GON7: variants seen among roughly 807,000 people sequenced by gnomAD.
The protein encoded by GON7 is EKC/KEOPS complex subunit GON7.
In GON7, 2 loss-of-function variants were observed where a neutral mutation model predicts 7.6. The observed-to-expected ratio is 0.26, with a 90% CI of 0.11 to 0.83. The LOEUF (loss-of-function observed/expected upper bound fraction) is 0.83. GON7 is among the 40% of genes least tolerant of loss of function. GON7 has a pLI of 0.65. For missense variants in GON7, 121 were observed against 132.2 expected (o/e 0.92, Z 0.42); for synonymous variants, 54 against 56.6 (o/e 0.95, Z 0.20).
chr14:93,203,929 G>T, intron 1 of GON7, 147 bp from the exon 2 acceptor site: 2 of 577,664 alleles, frequency 3.5e-6, no homozygotes, highest in Non-Finnish European at 3.0e-6. Context: ...GAGAATTTCA[G>T]TGTTTAAAAT....
chr14:93,206,754 C>A, intron 1 of GON7, 76 bp downstream of exon 1: 1 of 1,430,768 alleles, frequency 7.0e-7, no homozygotes. Context: ...TGCCACTCTA[C>A]ACGGGCTCCC....
chr14:93,206,623 TG>T (rs1374876296), intron 1 of GON7, among the ~76,000 whole-genome samples: 2 of 152,000 alleles, frequency 1.3e-5, no homozygotes, highest in African/African-American at 2.4e-5. Context: ...TGACCTCAAG[TG>T]ATCCTCCTGC....
intron 1 of GON7, 141 bp downstream of exon 1, chr14:93,206,689 G>A: frequency 1.1e-6 from 1 of 943,902 alleles, no homozygotes; most frequent in Non-Finnish European, 1.5e-6. Flanking sequence ...CGCCTAGCCC[G>A]CCAAAAATTT....
Position 93,203,505 on chromosome 14 carries a change from AT to A in GON7, c.*182del. ...TGAAATTTATTTCTCAAGAAAACAG[AT>A]TTTATTTCTAAGCCTTTACTATCTT... On this transcript the variant is annotated 3_prime_UTR_variant, in exon 2 of 2. Transcript: ENST00000306954. 2 of 497,174 alleles carry A rather than the reference AT, an allele frequency of 4.0e-6. No individual in the cohort carries two copies. The highest frequency in any genetic ancestry group is 7.1e-6 in the Non-Finnish European group (2 of 281,780). 30.8% of individuals were successfully genotyped at this position (497,174 alleles called of 1,614,324 possible). A position where few individuals can be genotyped will look rare whatever the true frequency, so the allele number is the denominator to read the frequency against.
chr14:93,205,332 C>T (rs1010100201), intron 1 of GON7, among the ~76,000 whole-genome samples: 1 of 152,206 alleles, frequency 6.6e-6, no homozygotes, highest in East Asian at 1.9e-4. Flanking sequence ...TAAATCCTGA[C>T]TCTAATATCT....
At position 93,203,634 on chromosome 14, in the gene GON7, T is replaced by G; in HGVS notation, c.*54A>C. On this transcript the variant is annotated 3_prime_UTR_variant, in exon 2 of 2. Transcript: ENST00000306954. ...GAGCATAAGTCTTCCTTAAATGTCCTAGTGTGACAATAAGGATACAACAGC... is the reference window on the plus strand; with the variant it reads ...GAGCATAAGTCTTCCTTAAATGTCCGAGTGTGACAATAAGGATACAACAGC... 1 of 1,421,182 alleles carries G rather than the reference T, an allele frequency of 7.0e-7. No individual in the cohort carries two copies. The allele number at this position is 1,421,182 out of a possible 1,614,324, so 88.0% of individuals were successfully genotyped here.
rs566037770 is a variant in GON7, at chr14:93,206,277, G to A, written c.208+553C>T. Among the ~76,000 whole-genome samples the A allele has an allele frequency of 1.2e-3, 188 of 152,262 alleles. 2 individuals are homozygous for A. Among genetic ancestry groups the A allele is most frequent in the South Asian group, 0.012 (58 of 4,822 alleles). The stretch of plus-strand genomic sequence containing the variant: ...GCCTGCCTCGGTCTCCCAAAGTGCA[G>A]GGATTACAGGCGTGAGCCACCAGCC... On this transcript the variant is annotated intron_variant, in intron 1 of 1. Transcript: ENST00000306954.
At chr14:93,206,741 G>A (rs1406086764) in intron 1 of GON7, 89 bp downstream of exon 1, 2 of 1,336,066 alleles carry the variant, frequency 1.5e-6, no homozygotes, top group African/African-American at 3.0e-5. Flanking sequence ...CTTTGTCCAA[G>A]TCTGCCACTC....
At chr14:93,205,802 C>T (rs970786135) in intron 1 of GON7, among the ~76,000 whole-genome samples, 2 of 152,152 alleles carry the variant, frequency 1.3e-5, no homozygotes, top group Non-Finnish European at 2.9e-5. Flanking sequence ...GGAGTTAATA[C>T]GTGATAAAAT....
intron 1 of GON7, among the ~76,000 whole-genome samples, chr14:93,206,577 G>C (rs973461721): frequency 6.6e-6 from 1 of 151,456 alleles, no homozygotes; most frequent in Non-Finnish European, 1.5e-5. Flanking sequence ...ATAGAAACGG[G>C]GTCTCGATAT....
At chr14:93,205,175 C>T (rs1245673961) in intron 1 of GON7, among the ~76,000 whole-genome samples, 2 of 152,164 alleles carry the variant, frequency 1.3e-5, no homozygotes, top group African/African-American at 4.8e-5. Flanking sequence ...TTTACATTTC[C>T]ACCAACAATG....
intron 1 of GON7, 41 bp from the exon 2 acceptor site, chr14:93,203,823 G>T: frequency 6.7e-7 from 1 of 1,502,782 alleles, no homozygotes; most frequent in Non-Finnish European, 9.2e-7. Context: ...TACGTTCTAT[G>T]GCTGAAAGAA....
chr14:93,203,841 T>C, intron 1 of GON7, 59 bp from the exon 2 acceptor site: 4 of 1,316,026 alleles, frequency 3.0e-6, no homozygotes, highest in East Asian at 2.3e-5. Context: ...GAAATATATA[T>C]AGCTAAAGTG....
At chr14:93,205,407 C>G (rs1034113507) in intron 1 of GON7, among the ~76,000 whole-genome samples, 1 of 152,220 alleles carries the variant, frequency 6.6e-6, no homozygotes, top group Admixed American at 6.5e-5. Context: ...TGGTGGCTCA[C>G]GCCTGTAATC....
chr14:93,204,087 C>A (rs559220450), intron 1 of GON7, among the ~76,000 whole-genome samples: 1 of 152,268 alleles, frequency 6.6e-6, no homozygotes, highest in East Asian at 1.9e-4. Context: ...CCTCCGCCTC[C>A]GGGGTTCAAG....
At chr14:93,205,368 C>T (rs114860680) in intron 1 of GON7, among the ~76,000 whole-genome samples, 1 of 152,250 alleles carries the variant, frequency 6.6e-6, no homozygotes, top group African/African-American at 2.4e-5. Context: ...CAGCTCAGGA[C>T]GGTTAAAATG....
At position 93,203,097 on chromosome 14, in the gene GON7, G is replaced by A. The variant is rs1210430803; in HGVS notation, c.*591C>T. 6.6e-6 allele frequency: 1 copy of A among 152,370 alleles called. No homozygotes were observed. The highest frequency in any genetic ancestry group is 1.5e-5 in the Non-Finnish European group (1 of 68,218). The allele number at this position is 152,370 out of a possible 1,614,324, so 9.4% of individuals were successfully genotyped here. A position where few individuals can be genotyped will look rare whatever the true frequency, so the allele number is the denominator to read the frequency against. ...CTCTCTTAAGGTACATGATAAATCAGACTAATGCACATTCATCAAAGTGGC... is the reference window on the plus strand; with the variant it reads ...CTCTCTTAAGGTACATGATAAATCAAACTAATGCACATTCATCAAAGTGGC... On this transcript the variant is annotated 3_prime_UTR_variant, in exon 2 of 2. Transcript: ENST00000306954.
At position 93,203,214 on chromosome 14, in the gene GON7, C is replaced by G. The variant is rs1171330957; in HGVS notation, c.*474G>C. 6.5e-6 allele frequency: 1 copy of G among 153,462 alleles called. No individual in the cohort carries two copies. The highest frequency in any genetic ancestry group is 6.5e-5 in the Admixed American group (1 of 15,500). 9.5% of individuals were successfully genotyped at this position (153,462 alleles called of 1,614,324 possible). A position where few individuals can be genotyped will look rare whatever the true frequency, so the allele number is the denominator to read the frequency against. ...GGACTCTCCTTTCTCGTCGGTATTT[C>G]TATTTCCTTATTTTCCTTCTGTTTA... On this transcript the variant is annotated 3_prime_UTR_variant, in exon 2 of 2. Coordinates refer to ENST00000306954, the MANE Select transcript of GON7 (RefSeq NM_032490.5).
intron 1 of GON7, among the ~76,000 whole-genome samples, chr14:93,204,535 G>A (rs990307691): frequency 2.0e-5 from 3 of 152,122 alleles, no homozygotes; most frequent in Non-Finnish European, 2.9e-5. Context: ...TGATCCTCCT[G>A]TCTCAGCCTC....
Sources: gnomAD v4.1 joint callset for allele counts (sites outside exome capture counted in the v4.1 genomes callset) on GRCh38, gnomAD v4.1.1 for gene constraint, MANE v1.5 for transcripts, NCBI Gene and HGNC (gene_info 2026-07-23, HGNC 2026-07-21) for gene names.